KAT2B: variants seen among roughly 807,000 people sequenced by gnomAD.
KAT2B encodes the protein histone acetyltransferase KAT2B.
A neutral mutation model predicts 105.9 loss-of-function variants in KAT2B; 36 were observed. The ratio of observed to expected loss-of-function variants is 0.34; its 90% CI spans 0.26 to 0.45. The LOEUF (loss-of-function observed/expected upper bound fraction) is 0.45, where lower values mean the gene tolerates loss of function less well. Ranked by LOEUF, KAT2B falls within the 20% of genes least tolerant of loss-of-function variation. The pLI, the probability that KAT2B is intolerant of heterozygous loss-of-function variation, is 1.00. For synonymous variants in KAT2B, 397 were observed against 377.9 expected (o/e 1.05, Z -0.59); for missense variants, 820 against 1,021.6 (o/e 0.80, Z 2.69).
chr3:20,100,873 G>T, intron 4 of KAT2B: 1 of 164,540 alleles, frequency 6.1e-6, no homozygotes, highest in Non-Finnish European at 1.3e-5. Context: ...GCAGGTTTTT[G>T]ATTAGCATTT....
intron 4 of KAT2B, among the ~76,000 whole-genome samples, chr3:20,100,217 G>A (rs1698886510): frequency 6.6e-6 from 1 of 152,180 alleles, no homozygotes; most frequent in African/African-American, 2.4e-5. Context: ...AGAACATGTA[G>A]TTTGTAAGAA....
intron 2 of KAT2B, among the ~76,000 whole-genome samples, chr3:20,074,842 G>A (rs1276362943): frequency 6.6e-6 from 1 of 152,160 alleles, no homozygotes; most frequent in Non-Finnish European, 1.5e-5. Flanking sequence ...GCTTGTGCCT[G>A]TTATGTGTTT....
At chr3:20,100,428 T>C (rs1263641478) in intron 4 of KAT2B, among the ~76,000 whole-genome samples, 1 of 152,222 alleles carries the variant, frequency 6.6e-6, no homozygotes, top group African/African-American at 2.4e-5. Flanking sequence ...TTATGATTCC[T>C]GGAAAGAAGC....
At chr3:20,124,897 C>T (rs1465404112) in intron 9 of KAT2B, among the ~76,000 whole-genome samples, 5 of 152,142 alleles carry the variant, frequency 3.3e-5, no homozygotes, top group Non-Finnish European at 7.3e-5. Flanking sequence ...CATCTACTTG[C>T]AAACCACTAG....
At chr3:20,087,257 A>G (rs1271965721) in intron 2 of KAT2B, among the ~76,000 whole-genome samples, 1 of 152,206 alleles carries the variant, frequency 6.6e-6, no homozygotes, top group Non-Finnish European at 1.5e-5. Flanking sequence ...GGATATGCTA[A>G]TTACACTGAT....
At chr3:20,146,504 A>G in intron 14 of KAT2B, 74 bp downstream of exon 14, 1 of 824,326 alleles carries the variant, frequency 1.2e-6, no homozygotes, top group East Asian at 2.5e-5. Context: ...AATTTCCAGA[A>G]TGCAGTAACT....
chr3:20,050,249 C>T (rs763548402), intron 1 of KAT2B, among the ~76,000 whole-genome samples: 3 of 150,886 alleles, frequency 2.0e-5, no homozygotes, highest in Admixed American at 6.6e-5. Flanking sequence ...TTATATAAGA[C>T]GGTTCACACA....
intron 11 of KAT2B, among the ~76,000 whole-genome samples, chr3:20,135,984 G>A (rs938057296): frequency 2.0e-5 from 3 of 152,186 alleles, no homozygotes; most frequent in Admixed American, 2.0e-4. Context: ...CGTTGGCGGT[G>A]TTCTAGCAGA....
intron 8 of KAT2B, among the ~76,000 whole-genome samples, chr3:20,121,585 G>A (rs6774367): frequency 0.22 from 33,074 of 151,670 alleles, 3,890 homozygotes; most frequent in African/African-American, 0.29. Context: ...CATCATTTTA[G>A]GGCAAAAAAG....
rs768359872 is a variant in KAT2B at position 20,152,460 on chromosome 3, T to C, written c.2434T>C (p.Cys812Arg). Reference sequence around the variant, plus strand: ...CCCCCCTGAGAGTGAATACTACAAATGTGCCAATATCCTGGAGAAATTCTT... The same window carrying C: ...CCCCCCTGAGAGTGAATACTACAAACGTGCCAATATCCTGGAGAAATTCTT... ...YNPPESEYYKCANILEKFFFS... is the reference protein window; with the variant it reads ...YNPPESEYYKRANILEKFFFS... The change falls in exon 18 of 18, where the codon TGT (cysteine) becomes CGT (arginine). Residue 812 changes from cysteine to arginine, a missense_variant. Cys to Arg is a radical substitution (Grantham distance 180). Transcript: ENST00000263754. The C allele has an allele frequency of 2.5e-6, 4 of 1,613,488 alleles. No homozygotes were observed. The highest frequency in any genetic ancestry group is 8.5e-7 in the Non-Finnish European group (1 of 1,179,578).
At chr3:20,141,326 T>C (rs1332945788) in intron 13 of KAT2B, among the ~76,000 whole-genome samples, 6 of 151,748 alleles carry the variant, frequency 4.0e-5, no homozygotes, top group Admixed American at 3.9e-4. Context: ...AAGGGAAAGG[T>C]TGACAGAGTT....
At chr3:20,144,337 G>A (rs1405397587) in intron 13 of KAT2B, among the ~76,000 whole-genome samples, 2 of 135,634 alleles carry the variant, frequency 1.5e-5, no homozygotes, top group Non-Finnish European at 3.0e-5. Flanking sequence ...CACCCAGGCT[G>A]GAGTGCAGTG....
chr3:20,065,493 G>A (rs1465362161), intron 1 of KAT2B, among the ~76,000 whole-genome samples: 1 of 152,200 alleles, frequency 6.6e-6, no homozygotes, highest in Non-Finnish European at 1.5e-5. Flanking sequence ...GAAGGCCAAA[G>A]TGGAGGGCAT....
intron 1 of KAT2B, among the ~76,000 whole-genome samples, chr3:20,052,822 GA>G (rs1169583163): frequency 1.3e-5 from 2 of 151,884 alleles, no homozygotes; most frequent in African/African-American, 2.4e-5. Context: ...ACAAAAAGAC[GA>G]AAATTAGCCA....
chr3:20,127,915 A>G (rs1699434215), intron 11 of KAT2B, among the ~76,000 whole-genome samples: 2 of 152,162 alleles, frequency 1.3e-5, no homozygotes, highest in South Asian at 4.1e-4. Context: ...CACTGATCTG[A>G]CAGGAGGCAG....
At chr3:20,052,063 T>C (rs1325280333) in intron 1 of KAT2B, among the ~76,000 whole-genome samples, 1 of 152,256 alleles carries the variant, frequency 6.6e-6, no homozygotes, top group African/African-American at 2.4e-5. Context: ...CTCTAGCATC[T>C]AATTGTGCAT....
chr3:20,127,674 T>C (rs749048577), intron 11 of KAT2B, 125 bp downstream of exon 11: 19 of 894,434 alleles, frequency 2.1e-5, no homozygotes, highest in Non-Finnish European at 3.1e-5. Flanking sequence ...TTAAGGACTT[T>C]CTGGGAATAG....
In KAT2B at chr3:20,119,671, AG is replaced by A; in HGVS notation, c.1227del (p.Ser410AlafsTer22). The A allele has an allele frequency of 6.2e-7, 1 of 1,614,106 alleles. No homozygotes were observed. The highest frequency in any genetic ancestry group is 8.5e-7 in the Non-Finnish European group (1 of 1,179,984). On this transcript the variant is annotated frameshift_variant, in exon 8 of 18. Coordinates refer to ENST00000263754, the MANE Select transcript of KAT2B (RefSeq NM_003884.5). LOFTEE classifies it high-confidence loss of function. ...TSSSLEQPNA[G>X]SSSPACKASS... ...CATCTTCCCTTGAGCAGCCAAACGC[AG>A]GGAGCAGCAGTCCTGCCTGCAAAGC...
chr3:20,069,422 G>T (rs1043480975), intron 1 of KAT2B, among the ~76,000 whole-genome samples: 2 of 152,108 alleles, frequency 1.3e-5, no homozygotes, highest in Non-Finnish European at 2.9e-5. Context: ...ATCAACTTCT[G>T]TCCTTCTTGT....
Sources: gnomAD v4.1 joint callset for allele counts (sites outside exome capture counted in the v4.1 genomes callset) on GRCh38, gnomAD v4.1.1 for gene constraint, MANE v1.5 for transcripts, NCBI Gene and HGNC (gene_info 2026-07-23, HGNC 2026-07-21) for gene names.